Variants in SLC4A4 observed in about 807,000 individuals in gnomAD.
SLC4A4 encodes electrogenic sodium bicarbonate cotransporter 1.
In SLC4A4, 27 loss-of-function variants were observed where a neutral mutation model predicts 111.5. The ratio of observed to expected loss-of-function variants is 0.24; its 90% CI spans 0.18 to 0.33. The LOEUF (loss-of-function observed/expected upper bound fraction) is 0.33. SLC4A4 is among the 10% of genes least tolerant of loss of function. The probability of loss-of-function intolerance (pLI) is 1.00; values close to 1 mark genes in which losing one functional copy is unlikely to be tolerated. For synonymous variants in SLC4A4, 443 were observed against 463.4 expected (o/e 0.96, Z 0.57); for missense variants, 909 against 1,315.5 (o/e 0.69, Z 4.78).
intron 6 of SLC4A4, among the ~76,000 whole-genome samples, chr4:71,394,114 A>C (rs1424542733): frequency 6.6e-6 from 1 of 152,214 alleles, no homozygotes; most frequent in Non-Finnish European, 1.5e-5. Flanking sequence ...CAAGGATTTC[A>C]TGACGAAGAA....
intron 2 of SLC4A4, among the ~76,000 whole-genome samples, chr4:71,111,524 G>GTTTTTTTTTTTTTTTTT (rs150777420): frequency 1.6e-5 from 1 of 60,782 alleles, no homozygotes; most frequent in Non-Finnish European, 2.8e-5. Flanking sequence ...CCACGCTCAG[G>GTTTTTTTTTTTTTTTTT]TTTTTTTTTT....
intron 1 of SLC4A4, among the ~76,000 whole-genome samples, chr4:71,188,301 C>A (rs1208277202): frequency 6.6e-6 from 1 of 152,128 alleles, no homozygotes; most frequent in Admixed American, 6.5e-5. Context: ...TTTTTCAGCG[C>A]CCTGTAAAAC....
At chr4:71,286,640 GC>G (rs1411292477) in intron 3 of SLC4A4, among the ~76,000 whole-genome samples, 2 of 152,168 alleles carry the variant, frequency 1.3e-5, no homozygotes, top group Non-Finnish European at 2.9e-5. Context: ...TTTGTGTATA[GC>G]TATACCATTA....
intron 3 of SLC4A4, among the ~76,000 whole-genome samples, chr4:71,258,033 A>G (rs903436149): frequency 6.6e-6 from 1 of 152,222 alleles, no homozygotes; most frequent in Non-Finnish European, 1.5e-5. Context: ...GAGAGGCACC[A>G]TTGATCATCA....
chr4:71,451,439 G>A, intron 11 of SLC4A4, 138 bp downstream of exon 11: 2 of 716,112 alleles, frequency 2.8e-6, no homozygotes, highest in South Asian at 1.5e-5. Flanking sequence ...TTTGTCACAG[G>A]CACTGGGAAT....
intron 20 of SLC4A4, among the ~76,000 whole-genome samples, chr4:71,554,918 A>G (rs1736342208): frequency 6.6e-6 from 1 of 151,772 alleles, no homozygotes. Flanking sequence ...AAAAACAAGC[A>G]TCCAATGAAA....
chr4:71,417,958 A>T (rs1413294956), intron 7 of SLC4A4, among the ~76,000 whole-genome samples: 1 of 152,210 alleles, frequency 6.6e-6, no homozygotes, highest in Non-Finnish European at 1.5e-5. Context: ...CTGTAAAATG[A>T]TGTAATAATA....
At chr4:71,176,223 TG>T (rs1464763694) in intron 2 of SLC4A4, among the ~76,000 whole-genome samples, 3 of 151,794 alleles carry the variant, frequency 2.0e-5, no homozygotes, top group Admixed American at 2.0e-4. Flanking sequence ...ACCACAAAGA[TG>T]GGGAAAAAAC....
chr4:71,332,752 C>G (rs1728118658), intron 3 of SLC4A4, among the ~76,000 whole-genome samples: 1 of 152,180 alleles, frequency 6.6e-6, no homozygotes, highest in African/African-American at 2.4e-5. Context: ...TTTCAAATAG[C>G]CTGTCTGCGA....
chr4:71,278,725 C>G (rs1002529312), intron 3 of SLC4A4, among the ~76,000 whole-genome samples: 4 of 152,102 alleles, frequency 2.6e-5, no homozygotes, highest in African/African-American at 9.7e-5. Context: ...ACCTATTGGT[C>G]ATTTATTTAT....
intron 7 of SLC4A4, among the ~76,000 whole-genome samples, chr4:71,431,812 T>C (rs552816363): frequency 5.9e-5 from 9 of 152,148 alleles, no homozygotes; most frequent in Admixed American, 2.6e-4. Flanking sequence ...TCTGCATGTG[T>C]TGTGAATCAG....
At chr4:71,291,707 AG>A (rs1461012529) in intron 3 of SLC4A4, among the ~76,000 whole-genome samples, 1 of 152,234 alleles carries the variant, frequency 6.6e-6, no homozygotes, top group African/African-American at 2.4e-5. Flanking sequence ...CCACACTCCT[AG>A]AATTGATGCC....
intron 6 of SLC4A4, among the ~76,000 whole-genome samples, chr4:71,364,786 T>C (rs1368279636): frequency 6.6e-6 from 1 of 152,142 alleles, no homozygotes; most frequent in Non-Finnish European, 1.5e-5. Context: ...TCCAGAAATA[T>C]TTTAGGGGGA....
At chr4:71,401,862 A>G (rs1009672147) in intron 7 of SLC4A4, among the ~76,000 whole-genome samples, 1 of 152,188 alleles carries the variant, frequency 6.6e-6, no homozygotes, top group African/African-American at 2.4e-5. Flanking sequence ...GATGCAGTAG[A>G]TGTAGAAATA....
rs1725369639 is a variant in SLC4A4, at chr4:71,447,774, T to G, written c.1053+41T>G. The G allele has an allele frequency of 4.7e-6, 6 of 1,266,090 alleles. No individual in the cohort carries two copies. The South Asian group carries it at 6.0e-5, about 13-fold the overall frequency. The allele number at this position is 1,266,090 out of a possible 1,614,324, so 78.4% of individuals were successfully genotyped here. A position where few individuals can be genotyped will look rare whatever the true frequency, so the allele number is the denominator to read the frequency against. ...GATGGAGTTCTGTGAATGTCCTACTTGTTTGTTGTCATACTGTGAATTGGC... is the reference window on the plus strand; with the variant it reads ...GATGGAGTTCTGTGAATGTCCTACTGGTTTGTTGTCATACTGTGAATTGGC... On this transcript the variant is annotated intron_variant, in intron 9 of 25. Coordinates refer to ENST00000264485, the MANE Select transcript of SLC4A4 (RefSeq NM_001098484.3).
At chr4:71,426,706 C>A (rs1004368922) in intron 7 of SLC4A4, among the ~76,000 whole-genome samples, 1 of 151,948 alleles carries the variant, frequency 6.6e-6, no homozygotes, top group South Asian at 2.1e-4. Context: ...TAATTTTAAC[C>A]TAAGAAAAAT....
chr4:71,214,439 G>T (rs916927460), intron 1 of SLC4A4, among the ~76,000 whole-genome samples: 2 of 152,170 alleles, frequency 1.3e-5, no homozygotes, highest in Non-Finnish European at 2.9e-5. Flanking sequence ...TCATGGCAAA[G>T]GCTGATGGGG....
chr4:71,217,040 T>C (rs892587579), intron 1 of SLC4A4, among the ~76,000 whole-genome samples: 3 of 152,238 alleles, frequency 2.0e-5, no homozygotes, highest in African/African-American at 7.2e-5. Flanking sequence ...AAAAATTCTT[T>C]ACTAATTTTG....
intron 7 of SLC4A4, among the ~76,000 whole-genome samples, chr4:71,423,156 C>T (rs1361608608): frequency 6.6e-6 from 1 of 152,134 alleles, no homozygotes; most frequent in Non-Finnish European, 1.5e-5. Flanking sequence ...GATACAAAGT[C>T]AATGTACAAA....
Sources: allele counts gnomAD v4.1 joint callset (sites outside exome capture counted in the v4.1 genomes callset), GRCh38; gene constraint gnomAD v4.1.1; transcripts MANE v1.5; gene names NCBI Gene and HGNC (gene_info 2026-07-23, HGNC 2026-07-21).